The following ZNF704 variants were observed in gnomAD, a reference collection of about 807,000 sequenced individuals.
ZNF704 encodes the protein zinc finger protein 704.
ZNF704 carries 10 observed loss-of-function variants against 44.7 expected under a neutral mutation model. That is an observed-to-expected ratio of 0.22 (90% CI 0.14 to 0.38). The LOEUF (loss-of-function observed/expected upper bound fraction) is 0.38, where lower values mean the gene tolerates loss of function less well. Among genes scored for constraint, ZNF704 ranks in the 10% least tolerant of loss-of-function variants. The pLI, the probability that ZNF704 is intolerant of heterozygous loss-of-function variation, is 1.00. For missense variants in ZNF704, 390 were observed against 545.5 expected (o/e 0.71, Z 2.84); for synonymous variants, 211 against 207.6 (o/e 1.02, Z -0.14).
At chr8:80,789,757 CA>C (rs201884781) in intron 2 of ZNF704, among the ~76,000 whole-genome samples, 21 of 150,460 alleles carry the variant, frequency 1.4e-4, no homozygotes, top group South Asian at 2.1e-4. Context: ...AAACTAATAA[CA>C]AAAAAAAACC....
chr8:80,717,632 T>C (rs1315104343), intron 2 of ZNF704, among the ~76,000 whole-genome samples: 1 of 152,240 alleles, frequency 6.6e-6, no homozygotes, highest in African/African-American at 2.4e-5. Flanking sequence ...ATGCATTCCC[T>C]GCTTTTTAAG....
At chr8:80,770,975 T>C (rs1807309884) in intron 2 of ZNF704, among the ~76,000 whole-genome samples, 1 of 152,192 alleles carries the variant, frequency 6.6e-6, no homozygotes, top group South Asian at 2.1e-4. Flanking sequence ...TTGTGAAAGA[T>C]AACCTTTCTT....
intron 1 of ZNF704, among the ~76,000 whole-genome samples, chr8:80,828,219 T>C (rs969052430): frequency 2.0e-5 from 3 of 152,168 alleles, no homozygotes; most frequent in Admixed American, 6.5e-5. Flanking sequence ...TAAGGCCCTA[T>C]GATAAAGAAG....
At chr8:80,732,952 T>TA (rs59640222) in intron 2 of ZNF704, among the ~76,000 whole-genome samples, 9,325 of 78,482 alleles carry the variant, frequency 0.12, 579 homozygotes, top group Middle Eastern at 0.21. Flanking sequence ...AGACCTTGCC[T>TA]AAAAAAAAAA....
intron 7 of ZNF704, among the ~76,000 whole-genome samples, chr8:80,645,645 G>A (rs1333710572): frequency 2.0e-5 from 3 of 152,086 alleles, no homozygotes; most frequent in Non-Finnish European, 4.4e-5. Flanking sequence ...TACATGACGT[G>A]CCTGCTCCTG....
chr8:80,771,788 T>C (rs56383776), intron 2 of ZNF704, among the ~76,000 whole-genome samples: 20,337 of 152,182 alleles, frequency 0.13, 2,113 homozygotes, highest in African/African-American at 0.29. Context: ...TCCAATCATA[T>C]AGGAAAAGCA....
chr8:80,686,474 T>A (rs574540538), intron 4 of ZNF704, among the ~76,000 whole-genome samples: 7 of 152,210 alleles, frequency 4.6e-5, no homozygotes, highest in Non-Finnish European at 8.8e-5. Context: ...CTTGAACTCT[T>A]GGACTAAAGC....
chr8:80,678,827 G>A (rs1369825177), intron 4 of ZNF704, among the ~76,000 whole-genome samples: 1 of 152,188 alleles, frequency 6.6e-6, no homozygotes, highest in African/African-American at 2.4e-5. Context: ...AGGGTCCCAG[G>A]AGGCTGCATT....
At chr8:80,712,092 T>C (rs1224918261) in intron 2 of ZNF704, among the ~76,000 whole-genome samples, 1 of 152,198 alleles carries the variant, frequency 6.6e-6, no homozygotes, top group African/African-American at 2.4e-5. Context: ...AAGAGGTGTT[T>C]GGGTCATGAG....
At chr8:80,697,774 C>T (rs967210207) in intron 2 of ZNF704, among the ~76,000 whole-genome samples, 10 of 152,352 alleles carry the variant, frequency 6.6e-5, no homozygotes, top group Admixed American at 5.9e-4. Flanking sequence ...TTCCTGACTA[C>T]ATCCATAGCG....
chr8:80,816,006 T>C (rs1481113151), intron 2 of ZNF704, among the ~76,000 whole-genome samples: 1 of 152,186 alleles, frequency 6.6e-6, no homozygotes, highest in Non-Finnish European at 1.5e-5. Context: ...ACCTTGATGG[T>C]CTTTCAAAAA....
At chr8:80,783,505 CT>C (rs912773107) in intron 2 of ZNF704, among the ~76,000 whole-genome samples, 29 of 152,106 alleles carry the variant, frequency 1.9e-4, no homozygotes, top group Admixed American at 1.0e-3. Context: ...CTGGGGTAGC[CT>C]TTGGATAACG....
At chr8:80,691,802 T>G (rs1818639945) in intron 3 of ZNF704, among the ~76,000 whole-genome samples, 2 of 152,182 alleles carry the variant, frequency 1.3e-5, no homozygotes, top group African/African-American at 4.8e-5. Flanking sequence ...TTCAGCAACT[T>G]CAGCTCTTGA....
intron 2 of ZNF704, among the ~76,000 whole-genome samples, chr8:80,734,266 T>G (rs929470189): frequency 1.3e-5 from 2 of 152,236 alleles, no homozygotes; most frequent in African/African-American, 4.8e-5. Context: ...AGCCATGTTG[T>G]AAGGATACTC....
intron 2 of ZNF704, among the ~76,000 whole-genome samples, chr8:80,708,652 T>C (rs922054779): frequency 6.6e-6 from 1 of 152,260 alleles, no homozygotes; most frequent in Non-Finnish European, 1.5e-5. Flanking sequence ...GTAGCTCATT[T>C]AGGTTGTCAT....
intron 2 of ZNF704, among the ~76,000 whole-genome samples, chr8:80,765,274 C>T (rs1022376672): frequency 6.6e-6 from 1 of 152,194 alleles, no homozygotes; most frequent in African/African-American, 2.4e-5. Flanking sequence ...CCCCAACCAA[C>T]TGGATGGTGC....
chr8:80,827,107 T>C (rs558127594), intron 1 of ZNF704, among the ~76,000 whole-genome samples: 1 of 152,270 alleles, frequency 6.6e-6, no homozygotes, highest in African/African-American at 2.4e-5. Flanking sequence ...ATAAAGGGCA[T>C]TCAATTAGGA....
intron 4 of ZNF704, among the ~76,000 whole-genome samples, chr8:80,675,965 T>C (rs569493460): frequency 1.3e-5 from 2 of 152,210 alleles, no homozygotes; most frequent in East Asian, 1.9e-4. Flanking sequence ...ATATTTTATG[T>C]TGGAGATTGA....
At chr8:80,723,086 T>C (rs1208953240) in intron 2 of ZNF704, among the ~76,000 whole-genome samples, 1 of 152,224 alleles carries the variant, frequency 6.6e-6, no homozygotes, top group East Asian at 1.9e-4. Flanking sequence ...GTGAAACCAG[T>C]TCAAATAACT....
Sources: gnomAD v4.1 joint callset for allele counts (sites outside exome capture counted in the v4.1 genomes callset) on GRCh38, gnomAD v4.1.1 for gene constraint, MANE v1.5 for transcripts, NCBI Gene and HGNC (gene_info 2026-07-23, HGNC 2026-07-21) for gene names.